Variants in CALCOCO2 observed in about 807,000 individuals in gnomAD.
CALCOCO2 encodes the protein calcium binding and coiled-coil domain 2, also known as calcium-binding and coiled-coil domain-containing protein 2.
Under a neutral mutation model 62.5 loss-of-function variants are expected in CALCOCO2, and 42 were observed. That is an observed-to-expected ratio of 0.67 (90% CI 0.53 to 0.87). The LOEUF is 0.87. Among genes scored for constraint, CALCOCO2 ranks in the 40% least tolerant of loss-of-function variants. The pLI, the probability that CALCOCO2 is intolerant of heterozygous loss-of-function variation, is 0.00. For missense variants in CALCOCO2, 456 were observed against 515.0 expected (o/e 0.89, Z 1.11); for synonymous variants, 167 against 173.0 (o/e 0.97, Z 0.27).
chr17:48,852,043 C>T (rs565419936), intron 7 of CALCOCO2, among the ~76,000 whole-genome samples: 138 of 151,464 alleles, frequency 9.1e-4, no homozygotes, highest in African/African-American at 3.1e-3. Context: ...GAGGCTGAGG[C>T]AGAAGAATCA....
At chr17:48,858,026 A>C in intron 10 of CALCOCO2, among the ~76,000 whole-genome samples, 1 of 16,226 alleles carries the variant, frequency 6.2e-5, no homozygotes, top group South Asian at 5.1e-3. Context: ...ATAGAATAGA[A>C]TAGAATAGAA....
In CALCOCO2 at chr17:48,849,334, A is replaced by C. The variant is rs1044406110; in HGVS notation, c.500A>C (p.Gln167Pro). 1 of 1,613,892 alleles carries C rather than the reference A, an allele frequency of 6.2e-7. No homozygotes were observed. The highest frequency in any genetic ancestry group is 1.3e-5 in the African/African-American group (1 of 75,052). The change falls in exon 5 of 13, where the codon CAG (glutamine) becomes CCG (proline). Residue 167 changes from glutamine (Q) to proline (P), a missense_variant. By Grantham distance (76) the Gln-to-Pro change is moderately conservative (BLOSUM62 -1). Transcript: ENST00000258947. ...QELKDSCISL[Q>P]KQNSDMQAEL... ...CTGAAGGACAGCTGTATCAGCCTCC[A>C]GAAGCAGAACTCAGACATGCAGGCT...
intron 1 of CALCOCO2, among the ~76,000 whole-genome samples, chr17:48,832,568 T>G (rs2039830357): frequency 6.6e-6 from 1 of 152,216 alleles, no homozygotes. Context: ...GCCTTAGCCA[T>G]GCATTTTGCT....
At chr17:48,831,757 A>G (rs1029152218) in intron 1 of CALCOCO2, 1 of 152,088 alleles carries the variant, frequency 6.6e-6, no homozygotes, top group Non-Finnish European at 1.5e-5. Flanking sequence ...CTTTTCTATC[A>G]CTTGGATTCT....
intron 10 of CALCOCO2, among the ~76,000 whole-genome samples, chr17:48,858,006 ATAG>A (rs368831008): frequency 5.2e-5 from 1 of 19,320 alleles, no homozygotes; most frequent in African/African-American, 1.3e-4. Context: ...ATAGAATAGA[ATAG>A]AATAGAATAG....
At chr17:48,858,350 T>G (rs1451698853) in intron 10 of CALCOCO2, among the ~76,000 whole-genome samples, 1 of 151,920 alleles carries the variant, frequency 6.6e-6, no homozygotes, top group Non-Finnish European at 1.5e-5. Context: ...TTGTTTGTTT[T>G]TTAGAGTCTT....
At chr17:48,855,629 T>C (rs1198499166) in intron 9 of CALCOCO2, among the ~76,000 whole-genome samples, 2 of 152,152 alleles carry the variant, frequency 1.3e-5, no homozygotes, top group Non-Finnish European at 2.9e-5. Flanking sequence ...TCTTCCTTCA[T>C]GTAACTTGAG....
At chr17:48,837,496 A>T (rs1230494662) in intron 1 of CALCOCO2, among the ~76,000 whole-genome samples, 1 of 152,062 alleles carries the variant, frequency 6.6e-6, no homozygotes, top group Non-Finnish European at 1.5e-5. Context: ...AATACAAAAA[A>T]TTAGCTGGGC....
chr17:48,846,674 C>T (rs1385176490), intron 2 of CALCOCO2, among the ~76,000 whole-genome samples: 1 of 152,134 alleles, frequency 6.6e-6, no homozygotes, highest in African/African-American at 2.4e-5. Context: ...CTCTGAGATG[C>T]TTACAGCAAT....
intron 10 of CALCOCO2, among the ~76,000 whole-genome samples, chr17:48,859,741 G>A (rs1041910683): frequency 6.6e-6 from 1 of 152,142 alleles, no homozygotes; most frequent in African/African-American, 2.4e-5. Flanking sequence ...TAGTTGGCAT[G>A]TATTTAGAGA....
rs180790442 is a variant in CALCOCO2, at chr17:48,854,703, G to A, written c.913-1389G>A. 8.9e-3 allele frequency among the ~76,000 whole-genome samples: 1,357 copies of A among 151,632 alleles called. 6 individuals carry two copies. Among genetic ancestry groups the A allele is most frequent in the Non-Finnish European group, 0.014 (932 of 67,934 alleles). On this transcript the variant is annotated intron_variant, in intron 9 of 12. Coordinates refer to ENST00000258947, the MANE Select transcript of CALCOCO2 (RefSeq NM_005831.5). ...TTACAGGTGTGAGCCACTGCACCCGGCCAATTTTCTTAGTTTTCATGGAAT... is the reference window on the plus strand; with the variant it reads ...TTACAGGTGTGAGCCACTGCACCCGACCAATTTTCTTAGTTTTCATGGAAT...
intron 11 of CALCOCO2, among the ~76,000 whole-genome samples, chr17:48,861,639 G>GTATA: frequency 1.4e-5 from 1 of 72,556 alleles, no homozygotes; most frequent in African/African-American, 6.0e-5. Context: ...ATATATATAT[G>GTATA]TATATATATA....
intron 1 of CALCOCO2, among the ~76,000 whole-genome samples, chr17:48,834,453 T>C (rs1050646965): frequency 6.6e-6 from 1 of 152,134 alleles, no homozygotes; most frequent in African/African-American, 2.4e-5. Flanking sequence ...TGCTTGATAG[T>C]TTTGTTTTTG....
At chr17:48,834,571 T>C (rs952496865) in intron 1 of CALCOCO2, among the ~76,000 whole-genome samples, 5 of 152,230 alleles carry the variant, frequency 3.3e-5, no homozygotes, top group African/African-American at 1.2e-4. Context: ...CTAGGGGACC[T>C]AGCTCGTCCC....
In CALCOCO2 at chr17:48,851,000, G is replaced by T; in HGVS notation, c.544-89G>T. ...TCATGCTATGCCTGACATATAGTAA[G>T]TGCTCAATAAATATTTGTTGCCTGC... is the stretch of plus-strand genomic sequence containing the variant. On this transcript the variant is annotated intron_variant, in intron 5 of 12. Coordinates refer to ENST00000258947, the MANE Select transcript of CALCOCO2 (RefSeq NM_005831.5). 3 of 732,376 alleles carry T rather than the reference G, an allele frequency of 4.1e-6. No individual in the cohort carries two copies. The South Asian group carries it at 4.5e-5, about 11-fold the overall frequency. 45.4% of individuals were successfully genotyped at this position (732,376 alleles called of 1,614,324 possible).
At chr17:48,846,551 TA>T (rs34967264) in intron 2 of CALCOCO2, 59,892 of 895,894 alleles carry the variant, frequency 0.067, 3,985 homozygotes, top group African/African-American at 0.28. Context: ...AAGGCAGCAA[TA>T]ATTCTTAGGC....
At chr17:48,843,497 A>G (rs1040860570) in intron 2 of CALCOCO2, among the ~76,000 whole-genome samples, 24 of 152,154 alleles carry the variant, frequency 1.6e-4, no homozygotes, top group African/African-American at 4.6e-4. Flanking sequence ...TATATCCTTC[A>G]TTGAATTCCT....
chr17:48,841,765 T>G lies in CALCOCO2; in HGVS notation c.58T>G (p.Phe20Val). ...TSAVLLDHCHFSQVIFNSVEK... is the reference protein window; with the variant it reads ...TSAVLLDHCHVSQVIFNSVEK... Reference sequence around the variant, plus strand: ...AGCTGTCTTGCTGGATCACTGTCATTTCTCTCAGGTCATCTTTAACAGTGT... The same window carrying G: ...AGCTGTCTTGCTGGATCACTGTCATGTCTCTCAGGTCATCTTTAACAGTGT... Residue 20 changes from phenylalanine to valine, a missense_variant, in exon 2 of 13, where the codon TTC becomes GTC. Coordinates refer to ENST00000258947, the MANE Select transcript of CALCOCO2 (RefSeq NM_005831.5). 6.2e-7 allele frequency: 1 copy of G among 1,613,638 alleles called. No individual in the cohort carries two copies. Among genetic ancestry groups the G allele is most frequent in the Non-Finnish European group, 8.5e-7 (1 of 1,179,640 alleles).
At chr17:48,833,266 T>G (rs1477338003) in intron 1 of CALCOCO2, among the ~76,000 whole-genome samples, 1 of 152,096 alleles carries the variant, frequency 6.6e-6, no homozygotes, top group Admixed American at 6.6e-5. Flanking sequence ...GAAAGAAAAG[T>G]AAGCAGAAGG....
Sources: gnomAD v4.1 joint callset for allele counts (sites outside exome capture counted in the v4.1 genomes callset) on GRCh38, gnomAD v4.1.1 for gene constraint, MANE v1.5 for transcripts, NCBI Gene and HGNC (gene_info 2026-07-23, HGNC 2026-07-21) for gene names.